The following NUP153 variants were observed in gnomAD, a reference collection of about 807,000 sequenced individuals.
The protein encoded by NUP153 is nucleoporin 153.
In NUP153, 27 loss-of-function variants were observed where a neutral mutation model predicts 134.6. The ratio of observed to expected loss-of-function variants is 0.20; its 90% CI spans 0.15 to 0.28. NUP153 has a LOEUF of 0.28. Ranked by LOEUF, NUP153 falls within the 10% of genes least tolerant of loss-of-function variation. NUP153 has a pLI of 1.00. For missense variants in NUP153, 1,821 were observed against 1,731.3 expected (o/e 1.05, Z -0.92); for synonymous variants, 640 against 623.5 (o/e 1.03, Z -0.40).
chr6:17,645,542 A>C (rs1380678367), intron 14 of NUP153, among the ~76,000 whole-genome samples: 5 of 151,224 alleles, frequency 3.3e-5, no homozygotes, highest in Non-Finnish European at 5.9e-5. Flanking sequence ...GCCTCAAGCA[A>C]TCCTCCCACC....
In NUP153 at chr6:17,625,970, T is replaced by C. The variant is rs1764926790; in HGVS notation, c.3739A>G (p.Ser1247Gly). The C allele has an allele frequency of 6.2e-7, 1 of 1,614,070 alleles. No homozygotes were observed. The highest frequency in any genetic ancestry group is 1.7e-5 in the Admixed American group (1 of 60,006). ...GAAAATAGCAAAGACTGAGAGGTGC[T>C]GGATTCAGCAGTGTTACCAAAGGCA... is the stretch of plus-strand genomic sequence containing the variant. The part of the protein sequence containing the change: ...SSAFGNTAES[S>G]TSQSLLFSQD... The change falls in exon 19 of 22, where the codon AGC becomes GGC. Residue 1247 changes from serine (S) to glycine (G), a missense_variant. By Grantham distance (56) the Ser-to-Gly change is moderately conservative. Transcript: ENST00000262077. The surrounding 1 kb of genome is among the most constrained non-coding windows in gnomAD (Gnocchi z 4.7).
At position 17,665,320 on chromosome 6, in the gene NUP153, A is replaced by T. The variant is rs1461736914; in HGVS notation, c.1134T>A (p.Asn378Lys). The T allele has an allele frequency of 6.2e-7, 1 of 1,613,504 alleles. No individual in the cohort carries two copies. The highest frequency in any genetic ancestry group is 8.5e-7 in the Non-Finnish European group (1 of 1,179,508). The change falls in exon 9 of 22, where the codon AAT becomes AAA. Residue 378 changes from asparagine (N) to lysine (K), a missense_variant. Coordinates refer to ENST00000262077, the MANE Select transcript of NUP153 (RefSeq NM_005124.4). Reference protein sequence around the residue: ...MTPKPVSIATNRSVYFKPSLT... With the variant: ...MTPKPVSIATKRSVYFKPSLT... ...GAGATGGTTTAAAATAAACACTTCGATTTGTTGCTATGGAAACTGGCTTTG... is the reference window on the plus strand; with the variant it reads ...GAGATGGTTTAAAATAAACACTTCGTTTTGTTGCTATGGAAACTGGCTTTG...
intron 8 of NUP153, among the ~76,000 whole-genome samples, chr6:17,665,877 C>G (rs1767505060): frequency 6.6e-6 from 1 of 151,862 alleles, no homozygotes; most frequent in South Asian, 2.1e-4. Context: ...TTTGTAGAGA[C>G]AGGGTCTCGC....
rs902942990 is a variant in NUP153 at position 17,680,921 on chromosome 6, G to A, written c.335-5151C>T. ...CACAATATGATCCAACAATCCCACT[G>A]CTGGGTATATATCCAAGTTAAAGGA... On this transcript the variant is annotated intron_variant, in intron 2 of 21. Transcript: ENST00000262077. The surrounding 1 kb of genome is among the most constrained non-coding windows in gnomAD (Gnocchi z 4.5). 6.6e-6 allele frequency among the ~76,000 whole-genome samples: 1 copy of A among 152,094 alleles called. No homozygotes were observed. Among genetic ancestry groups the A allele is most frequent in the Non-Finnish European group, 1.5e-5 (1 of 68,002 alleles).
chr6:17,661,384 A>C (rs752057492), intron 11 of NUP153, among the ~76,000 whole-genome samples: 1 of 152,230 alleles, frequency 6.6e-6, no homozygotes, highest in Non-Finnish European at 1.5e-5. Flanking sequence ...CAAACAGACA[A>C]AACTATACAG....
chr6:17,657,712 C>T (rs1398327047), intron 11 of NUP153, among the ~76,000 whole-genome samples: 2 of 152,160 alleles, frequency 1.3e-5, no homozygotes, highest in African/African-American at 4.8e-5. Flanking sequence ...ACAAAACATG[C>T]TACAGATTTT....
chr6:17,657,385 T>TAAAAAA (rs151192201), intron 11 of NUP153, among the ~76,000 whole-genome samples: 1 of 137,896 alleles, frequency 7.3e-6, no homozygotes, highest in African/African-American at 2.8e-5. Context: ...TCTACTAAAA[T>TAAAAAA]AAAAAAATAA....
chr6:17,630,242 T>C (rs1187274179), intron 17 of NUP153, among the ~76,000 whole-genome samples: 1 of 152,046 alleles, frequency 6.6e-6, no homozygotes, highest in Non-Finnish European at 1.5e-5. Flanking sequence ...AGAGAAGAGA[T>C]TGAACCTTGT....
Position 17,616,686 on chromosome 6 carries a change from A to G in NUP153, c.4184T>C (p.Phe1395Ser). 6.2e-7 allele frequency: 1 copy of G among 1,612,266 alleles called. No homozygotes were observed. The highest frequency in any genetic ancestry group is 8.5e-7 in the Non-Finnish European group (1 of 1,178,816). ...ATTTGTAGTGCTGCTGCCAAACTGG[A>G]AAGCCGAACCTGCAATAGTTAAAGC... Reference protein sequence around the residue: ...SGTTPNSSSAFQFGSSTTNFN... With the variant: ...SGTTPNSSSASQFGSSTTNFN... The change falls in exon 21 of 22, where the codon TTC becomes TCC. Residue 1395 changes from phenylalanine (F) to serine (S), a missense_variant. Physicochemically the swap from Phe to Ser is radical, Grantham distance 155 (BLOSUM62 -2). Coordinates refer to ENST00000262077, the MANE Select transcript of NUP153 (RefSeq NM_005124.4).
chr6:17,630,541 T>C (rs1410556127), intron 17 of NUP153, among the ~76,000 whole-genome samples: 1 of 152,054 alleles, frequency 6.6e-6, no homozygotes. Flanking sequence ...TCTGTGCCTG[T>C]AGTCTCAGCT....
intron 17 of NUP153, among the ~76,000 whole-genome samples, chr6:17,632,130 CA>C (rs1347703386): frequency 6.6e-6 from 1 of 151,852 alleles, no homozygotes; most frequent in Non-Finnish European, 1.5e-5. Context: ...GGTGTATTCC[CA>C]GTCAAATAAA....
chr6:17,701,852 C>A (rs1013018792), intron 1 of NUP153, among the ~76,000 whole-genome samples: 5 of 101,494 alleles, frequency 4.9e-5, no homozygotes, highest in East Asian at 2.6e-4. Flanking sequence ...GGGAAAAAAG[C>A]TAAATGCAGG....
At chr6:17,676,756 T>C (rs1313783864) in intron 2 of NUP153, among the ~76,000 whole-genome samples, 1 of 152,122 alleles carries the variant, frequency 6.6e-6, no homozygotes, top group Non-Finnish European at 1.5e-5. Flanking sequence ...TTTTCAGACC[T>C]TGAACAGAGA....
intron 20 of NUP153, among the ~76,000 whole-genome samples, chr6:17,617,869 A>C (rs974394194): frequency 6.6e-6 from 1 of 152,070 alleles, no homozygotes; most frequent in Non-Finnish European, 1.5e-5. Flanking sequence ...AAAAAAGAAA[A>C]AAAAGATGGT....
rs369142396 is a variant in NUP153 at position 17,620,797 on chromosome 6, C to T, written c.4174+3764G>A. Among the ~76,000 whole-genome samples, 33 of 152,270 alleles carry T rather than the reference C, an allele frequency of 2.2e-4. 1 individual carries two copies. The highest frequency in any genetic ancestry group is 3.4e-3 in the Middle Eastern group (1 of 292). On this transcript the variant is annotated intron_variant, in intron 20 of 21. Coordinates refer to ENST00000262077, the MANE Select transcript of NUP153 (RefSeq NM_005124.4). ...CTGGAAGCCAAAAGATAGGACCCCC[C>T]TGGCCTAGGCAAAGATTTTATGGCT...
chr6:17,674,723 G>T (rs557847612), intron 5 of NUP153, among the ~76,000 whole-genome samples, 182 bp downstream of exon 5: 35 of 152,178 alleles, frequency 2.3e-4, no homozygotes, highest in African/African-American at 7.9e-4. Context: ...TGTGGTCCGA[G>T]ATTGTGCCAC....
chr6:17,665,468 A>T, intron 8 of NUP153, 83 bp from the exon 9 acceptor site: 1 of 1,051,798 alleles, frequency 9.5e-7, no homozygotes, highest in Non-Finnish European at 1.4e-6. Flanking sequence ...AGCTAACATG[A>T]CCTAAAGACC....
intron 14 of NUP153, among the ~76,000 whole-genome samples, chr6:17,643,643 C>G (rs576757178): frequency 2.6e-4 from 40 of 152,244 alleles, no homozygotes; most frequent in Non-Finnish European, 5.3e-4. Context: ...GAAAAGGAGA[C>G]AATGGAAAAC....
chr6:17,665,076 G>T (rs1767442800), intron 9 of NUP153, among the ~76,000 whole-genome samples, 163 bp downstream of exon 9: 1 of 65,616 alleles, frequency 1.5e-5, no homozygotes, highest in Non-Finnish European at 3.5e-5. Flanking sequence ...TTTGATCAAG[G>T]TGACAGCTAT....
Sources: gnomAD v4.1 joint callset for allele counts (sites outside exome capture counted in the v4.1 genomes callset) on GRCh38, gnomAD v4.1.1 for gene constraint, Gnocchi (gnomAD v3.1) non-coding constraint, MANE v1.5 for transcripts, NCBI Gene and HGNC (gene_info 2026-07-23, HGNC 2026-07-21) for gene names.